RBFOX1: variants seen among roughly 807,000 people sequenced by gnomAD.
The protein encoded by RBFOX1 is RNA binding protein fox-1 homolog 1.
Under a neutral mutation model 57.7 loss-of-function variants are expected in RBFOX1, and 8 were observed. The ratio of observed to expected loss-of-function variants is 0.14; its 90% CI spans 0.08 to 0.25. RBFOX1 has a LOEUF of 0.25. Ranked by LOEUF, RBFOX1 falls within the 10% of genes least tolerant of loss-of-function variation. The pLI is 1.00. For missense variants in RBFOX1, 611 were observed against 548.5 expected (o/e 1.11, Z -1.14); for synonymous variants, 326 against 222.4 (o/e 1.47, Z -4.15).
At chr16:5,806,371 G>T (rs989747206) in intron 3 of RBFOX1, among the ~76,000 whole-genome samples, 2 of 152,176 alleles carry the variant, frequency 1.3e-5, no homozygotes, top group Admixed American at 6.5e-5. Context: ...GGGCCAAAAA[G>T]GGTAACAGGG....
At chr16:5,644,446 C>T (rs954314550) in intron 3 of RBFOX1, among the ~76,000 whole-genome samples, 1 of 152,166 alleles carries the variant, frequency 6.6e-6, no homozygotes, top group Non-Finnish European at 1.5e-5. Context: ...GGCGCTTGGG[C>T]TCCAGATGGG....
intron 4 of RBFOX1, among the ~76,000 whole-genome samples, chr16:7,106,984 A>ACACACACACACACAC (rs1567282011): frequency 0.021 from 3,159 of 148,560 alleles, 109 homozygotes; most frequent in African/African-American, 0.073. Context: ...ACACAGTTAA[A>ACACACACACACACAC]ACACACACAC....
Position 5,259,161 on chromosome 16 carries a change from A to G in RBFOX1, c.219+19056A>G, listed in dbSNP as rs1296154160. On this transcript the variant is annotated intron_variant, in intron 1 of 2. Transcript: ENST00000585867. ...TGTCCTCATGATGCCTGGGACAGTA[A>G]TGAATATTTATAGGTTTCTTTTAGT... 3.3e-5 allele frequency among the ~76,000 whole-genome samples: 5 copies of G among 151,740 alleles called. 1 individual carries two copies. In the South Asian group the frequency reaches 8.3e-4, roughly 25 times the overall value.
At chr16:5,807,115 C>G (rs1302651741) in intron 3 of RBFOX1, among the ~76,000 whole-genome samples, 1 of 152,142 alleles carries the variant, frequency 6.6e-6, no homozygotes, top group African/African-American at 2.4e-5. Context: ...TAAATACTGA[C>G]TCCTTTGTTT....
At chr16:5,412,996 C>A (rs140402363) in intron 1 of RBFOX1, among the ~76,000 whole-genome samples, 2 of 152,318 alleles carry the variant, frequency 1.3e-5, no homozygotes, top group East Asian at 1.9e-4. Flanking sequence ...GCTGGCCGTG[C>A]CTTCCTGGTG....
chr16:7,693,250 G>A, intron 14 of RBFOX1: 3 of 1,412,576 alleles, frequency 2.1e-6, no homozygotes, highest in Non-Finnish European at 3.0e-6. Context: ...ACACATCGAA[G>A]CAATTGGCAG....
chr16:7,396,384 C>A (rs903294371), intron 4 of RBFOX1, among the ~76,000 whole-genome samples: 2 of 152,110 alleles, frequency 1.3e-5, no homozygotes, highest in African/African-American at 2.4e-5. Flanking sequence ...CAGAGCTATG[C>A]ATTTTATTCT....
At chr16:6,060,482 G>A (rs894458305) in intron 1 of RBFOX1, among the ~76,000 whole-genome samples, 1 of 152,074 alleles carries the variant, frequency 6.6e-6, no homozygotes, top group Non-Finnish European at 1.5e-5. Flanking sequence ...TATGAGACCT[G>A]CTCTCCTTGT....
At chr16:5,556,296 G>A (rs995252693) in intron 2 of RBFOX1, among the ~76,000 whole-genome samples, 1 of 152,176 alleles carries the variant, frequency 6.6e-6, no homozygotes, top group African/African-American at 2.4e-5. Context: ...AGGGATCTCA[G>A]TGTAAACGGT....
At chr16:6,856,254 C>T (rs2057879460) in intron 3 of RBFOX1, among the ~76,000 whole-genome samples, 1 of 152,114 alleles carries the variant, frequency 6.6e-6, no homozygotes, top group Admixed American at 6.6e-5. Flanking sequence ...CCTCCATCTG[C>T]TCAGATCTTT....
At chr16:7,039,058 C>G (rs1029611221) in intron 3 of RBFOX1, among the ~76,000 whole-genome samples, 1 of 147,698 alleles carries the variant, frequency 6.8e-6, no homozygotes, top group African/African-American at 2.5e-5. Flanking sequence ...ATCAGAAGTG[C>G]TCACTAAATG....
chr16:5,306,691 G>A (rs1484959483), intron 1 of RBFOX1, among the ~76,000 whole-genome samples: 1 of 152,162 alleles, frequency 6.6e-6, no homozygotes, highest in Non-Finnish European at 1.5e-5. Context: ...AGCAAGGTAA[G>A]GTTGCTTCCG....
intron 3 of RBFOX1, among the ~76,000 whole-genome samples, chr16:5,656,217 G>C (rs2049425679): frequency 6.6e-6 from 1 of 152,062 alleles, no homozygotes; most frequent in East Asian, 1.9e-4. Flanking sequence ...ATAGTTTTGA[G>C]TTTCTTATTT....
intron 1 of RBFOX1, among the ~76,000 whole-genome samples, chr16:6,117,985 T>G (rs1301226295): frequency 9.9e-5 from 15 of 152,230 alleles, no homozygotes; most frequent in Admixed American, 9.8e-4. Flanking sequence ...CATCTGTAAC[T>G]TTTGAAGTAG....
intron 1 of RBFOX1, among the ~76,000 whole-genome samples, chr16:5,309,196 A>G (rs1250032028): frequency 6.6e-6 from 1 of 152,168 alleles, no homozygotes; most frequent in African/African-American, 2.4e-5. Flanking sequence ...GGAGGAGATA[A>G]ATGGTTTTGC....
At chr16:7,621,744 G>A (rs1401560729) in intron 10 of RBFOX1, among the ~76,000 whole-genome samples, 1 of 152,200 alleles carries the variant, frequency 6.6e-6, no homozygotes, top group Non-Finnish European at 1.5e-5. Context: ...GGCTAATGGT[G>A]TACTGAGAGA....
chr16:7,166,542 C>T (rs538082285), intron 4 of RBFOX1, among the ~76,000 whole-genome samples: 7 of 152,120 alleles, frequency 4.6e-5, no homozygotes, highest in African/African-American at 1.7e-4. Context: ...AAGCCTAGAG[C>T]TGAGGTGGCC....
intron 8 of RBFOX1, among the ~76,000 whole-genome samples, chr16:7,596,138 A>G (rs1457995499): frequency 1.7e-5 from 1 of 59,252 alleles, no homozygotes; most frequent in Non-Finnish European, 5.4e-5. Context: ...AAAAAAAACA[A>G]AAAAAAAAAC....
Position 6,708,960 on chromosome 16 carries a change from G to T in RBFOX1, c.-16+54310G>T, listed in dbSNP as rs571725211. On this transcript the variant is annotated intron_variant, in intron 3 of 15. Transcript: ENST00000550418. The stretch of plus-strand genomic sequence containing the variant: ...CATAGTGGCCTAGTAGCGGTGGCTG[G>T]TTAATTTCAGCAAGCTTTTCTTTTT... Among the ~76,000 whole-genome samples the T allele has an allele frequency of 7.9e-4, 119 of 150,790 alleles. No individual in the cohort carries two copies. In the Middle Eastern group the frequency reaches 0.02, roughly 26 times the overall value.
Sources: allele counts gnomAD v4.1 joint callset (sites outside exome capture counted in the v4.1 genomes callset), GRCh38; gene constraint gnomAD v4.1.1; transcripts MANE v1.5; gene names NCBI Gene and HGNC (gene_info 2026-07-23, HGNC 2026-07-21).